Variants in KHDC1 observed in about 807,000 individuals in gnomAD.
The protein encoded by KHDC1 is KH homology domain-containing protein 1.
Under a neutral mutation model 24.7 loss-of-function variants are expected in KHDC1, and 21 were observed. That is an observed-to-expected ratio of 0.85 (90% CI 0.60 to 1.23). KHDC1 has a LOEUF of 1.23. Among genes scored for constraint, KHDC1 ranks in the 50% most tolerant of loss-of-function variants. The pLI, the probability that KHDC1 is intolerant of heterozygous loss-of-function variation, is 0.00. For synonymous variants in KHDC1, 98 were observed against 111.7 expected, an observed-to-expected ratio of 0.88 and a Z score of 0.77; for missense variants, 274 against 298.5, an observed-to-expected ratio of 0.92 and a Z score of 0.61.
intron 2 of KHDC1, among the ~76,000 whole-genome samples, chr6:73,278,387 C>CTTTTTATT (rs1394824004): frequency 6.6e-6 from 1 of 151,704 alleles, no homozygotes; most frequent in Admixed American, 6.6e-5. Context: ...TCTACAACAA[C>CTTTTTATT]TTTTTATTTT....
At chr6:73,257,014 G>A (rs1353720053) in intron 2 of KHDC1, among the ~76,000 whole-genome samples, 2 of 152,070 alleles carry the variant, frequency 1.3e-5, no homozygotes, top group Non-Finnish European at 2.9e-5. Context: ...CATGGCCAGT[G>A]GGGCACGGTG....
intron 1 of KHDC1, among the ~76,000 whole-genome samples, chr6:73,296,325 C>T (rs1767758238): frequency 6.6e-6 from 1 of 151,160 alleles, no homozygotes; most frequent in South Asian, 2.1e-4. Context: ...TGTAATGGCA[C>T]ATATCTAGTC....
intron 2 of KHDC1, chr6:73,291,939 A>G (rs572029045): frequency 1.0e-4 from 158 of 1,584,440 alleles, no homozygotes; most frequent in Middle Eastern, 6.7e-4. Flanking sequence ...ATTCTCTAGC[A>G]CAGACTCCCT....
At chr6:73,262,985 A>T (rs935899106) in intron 2 of KHDC1, 5 of 1,001,920 alleles carry the variant, frequency 5.0e-6, no homozygotes, top group Non-Finnish European at 5.9e-6. Context: ...CTTTGACGGT[A>T]GGAATGAAGG....
chr6:73,289,333 C>CAAAAAAAAAAAA (rs60179008), intron 2 of KHDC1, among the ~76,000 whole-genome samples: 3 of 62,650 alleles, frequency 4.8e-5, no homozygotes, highest in Non-Finnish European at 8.6e-5. Context: ...GACTCCATCT[C>CAAAAAAAAAAAA]AAAAAAAAAA....
At chr6:73,271,229 A>T (rs1427743764) in intron 2 of KHDC1, among the ~76,000 whole-genome samples, 1 of 150,318 alleles carries the variant, frequency 6.7e-6, no homozygotes, top group Non-Finnish European at 1.5e-5. Context: ...GTTGGGGGGG[A>T]CAGAATCTCA....
At chr6:73,289,266 G>A (rs769655222) in intron 2 of KHDC1, among the ~76,000 whole-genome samples, 45 of 144,826 alleles carry the variant, frequency 3.1e-4, no homozygotes, top group Non-Finnish European at 5.8e-4. Context: ...CCCGGGAGGC[G>A]GTAGTTGCAG....
At chr6:73,245,760 A>C (rs558994086) in intron 2 of KHDC1, among the ~76,000 whole-genome samples, 17 of 152,084 alleles carry the variant, frequency 1.1e-4, no homozygotes, top group Admixed American at 1.0e-3. Flanking sequence ...TGCCAGACAC[A>C]CCCCCCACCA....
chr6:73,309,600 G>T, exon 1 of KHDC1: 1 of 1,546,836 alleles, frequency 6.5e-7, no homozygotes, highest in Non-Finnish European at 8.7e-7. Context: ...CCGATCAGGA[G>T]CATCGCAAGG....
intron 2 of KHDC1, among the ~76,000 whole-genome samples, chr6:73,260,812 C>G (rs1179278686): frequency 2.0e-5 from 3 of 152,160 alleles, no homozygotes; most frequent in Non-Finnish European, 4.4e-5. Context: ...ATCACTAGTG[C>G]AGTTAAGCAT....
intron 2 of KHDC1, among the ~76,000 whole-genome samples, chr6:73,251,929 C>A (rs1766784160): frequency 6.6e-6 from 1 of 151,912 alleles, no homozygotes; most frequent in Non-Finnish European, 1.5e-5. Context: ...TCCTGAGTAG[C>A]CCAGGCTGAT....
At chr6:73,290,413 A>G (rs1767624784) in intron 2 of KHDC1, 13 of 339,752 alleles carry the variant, frequency 3.8e-5, no homozygotes, top group South Asian at 3.4e-4. Flanking sequence ...GATGTCCTCA[A>G]ATTTCTTGCA....
intron 2 of KHDC1, among the ~76,000 whole-genome samples, chr6:73,246,077 C>A (rs536955084): frequency 1.3e-5 from 2 of 152,218 alleles, no homozygotes; most frequent in Admixed American, 6.5e-5. Flanking sequence ...TAATTTCTTG[C>A]CATTTTTAAC....
At chr6:73,309,886 T>C (rs1768049487) in exon 1 of KHDC1, 2 of 681,600 alleles carry the variant, frequency 2.9e-6, no homozygotes, top group Admixed American at 3.0e-5. Flanking sequence ...ACTGGACCAA[T>C]GCACAGTCTA....
Position 73,290,955 on chromosome 6 carries a change from T to A in KHDC1, c.206+1043A>T, listed in dbSNP as rs115264197. On this transcript the variant is annotated intron_variant, in intron 2 of 4. Transcript: ENST00000370384. Reference sequence around the variant, plus strand: ...TAGTGGATGCTGGCCCAGGAAGCTCTGTGCATGTGTTGCACCATCTCCCAT... The same window carrying A: ...TAGTGGATGCTGGCCCAGGAAGCTCAGTGCATGTGTTGCACCATCTCCCAT... 6.9e-3 allele frequency: 2,399 copies of A among 349,330 alleles called. 48 individuals are homozygous for A. The highest frequency in any genetic ancestry group is 0.047 in the African/African-American group (2,219 of 47,090). 21.6% of individuals were successfully genotyped at this position (349,330 alleles called of 1,614,324 possible). A position where few individuals can be genotyped will look rare whatever the true frequency, so the allele number is the denominator to read the frequency against.
At position 73,263,034 on chromosome 6, in the gene KHDC1, G is replaced by C. The variant is rs937044909; in HGVS notation, c.207-20504C>G. 1.4e-5 allele frequency: 14 copies of C among 1,032,666 alleles called. No homozygotes were observed. The African/African-American group carries it at 2.1e-4, about 15-fold the overall frequency. 64.0% of individuals were successfully genotyped at this position (1,032,666 alleles called of 1,614,324 possible). On this transcript the variant is annotated intron_variant, in intron 2 of 4. Transcript: ENST00000370384. ...GCGCCGCAGGCCTGGGCCACTCCCT[G>C]AGTAGGGCGGCGGCGGCGGCGGCGG...
intron 2 of KHDC1, among the ~76,000 whole-genome samples, chr6:73,283,421 G>GT (rs1038266468): frequency 2.6e-5 from 4 of 151,368 alleles, no homozygotes; most frequent in Admixed American, 2.6e-4. Flanking sequence ...TATTTCCTTA[G>GT]GTGTTTTGTT....
intron 1 of KHDC1, chr6:73,293,236 G>A (rs1767690402): frequency 1.5e-6 from 1 of 667,050 alleles, no homozygotes; most frequent in African/African-American, 1.8e-5. Context: ...TAGCAGGTCA[G>A]AGGCTCCTAA....
chr6:73,263,052 GGCGGCGGCGGCGGCGGCA>G (rs1343928870), intron 2 of KHDC1: 196 of 778,880 alleles, frequency 2.5e-4, no homozygotes, highest in South Asian at 1.8e-3. Context: ...CGGCGGCGGC[GGCGGCGGCGGCGGCGGCA>G]GCGGCGGCAG....
Sources: allele counts gnomAD v4.1 joint callset (sites outside exome capture counted in the v4.1 genomes callset), GRCh38; gene constraint gnomAD v4.1.1; transcripts MANE v1.5; gene names NCBI Gene and HGNC (gene_info 2026-07-23, HGNC 2026-07-21).